SLCO5A1: variants seen among roughly 807,000 people sequenced by gnomAD.
The protein encoded by SLCO5A1 is solute carrier organic anion transporter family member 5A1, also known as organic anion transporter polypeptide-related protein 4.
A neutral mutation model predicts 65.1 loss-of-function variants in SLCO5A1; 39 were observed. The ratio of observed to expected loss-of-function variants is 0.60; its 90% CI spans 0.46 to 0.78. The LOEUF (loss-of-function observed/expected upper bound fraction) is 0.78, where lower values mean the gene tolerates loss of function less well. Among genes scored for constraint, SLCO5A1 ranks in the 30% least tolerant of loss-of-function variants. The pLI, the probability that SLCO5A1 is intolerant of heterozygous loss-of-function variation, is 0.00. For synonymous variants in SLCO5A1, 438 were observed against 415.7 expected, an observed-to-expected ratio of 1.05 and a Z score of -0.65; for missense variants, 1,029 against 1,069.4, an observed-to-expected ratio of 0.96 and a Z score of 0.53.
chr8:69,692,968 T>C (rs1814338468), intron 6 of SLCO5A1, among the ~76,000 whole-genome samples: 1 of 152,252 alleles, frequency 6.6e-6, no homozygotes, highest in Non-Finnish European at 1.5e-5. Flanking sequence ...CTATGTACTC[T>C]ACACAACTAC....
chr8:69,832,254 G>A lies in SLCO5A1; in HGVS notation c.420C>T (p.Ile140=). ...GGTACCCAGAGACCATTAACGCCTG[G>A]ATGAAGGTCAGAAAGCACATGCACA... is the stretch of plus-strand genomic sequence containing the variant. The part of the protein sequence containing the change: ...FLVCMCFLTF[I]QALMVSGYLS... Residue 140 remains isoleucine, a synonymous_variant, in exon 2 of 10, where the codon ATC becomes ATT. Coordinates refer to ENST00000260126, the MANE Select transcript of SLCO5A1 (RefSeq NM_030958.3). This position sits in a 1 kb window ranked among gnomAD's most constrained non-coding sequence, Gnocchi z 4.5. The A allele has an allele frequency of 6.2e-7, 1 of 1,614,200 alleles. No homozygotes were observed. Among genetic ancestry groups the A allele is most frequent in the Non-Finnish European group, 8.5e-7 (1 of 1,180,038 alleles).
chr8:69,818,683 C>T (rs181479418), intron 2 of SLCO5A1, among the ~76,000 whole-genome samples: 1 of 152,314 alleles, frequency 6.6e-6, no homozygotes, highest in East Asian at 1.9e-4. Context: ...CAGTTAGACC[C>T]AAAATGGGTT....
At chr8:69,728,115 G>A (rs550569045) in intron 5 of SLCO5A1, among the ~76,000 whole-genome samples, 2 of 152,204 alleles carry the variant, frequency 1.3e-5, no homozygotes, top group Admixed American at 6.5e-5. Context: ...AATGAGCAAG[G>A]TCTCTAGACT....
chr8:69,726,977 A>G (rs1816109805), intron 5 of SLCO5A1, among the ~76,000 whole-genome samples: 2 of 152,148 alleles, frequency 1.3e-5, no homozygotes, highest in South Asian at 4.1e-4. Flanking sequence ...ATTTATTACT[A>G]ATAGCTACTT....
At chr8:69,677,878 T>G (rs1185614462) in intron 8 of SLCO5A1, among the ~76,000 whole-genome samples, 4 of 152,068 alleles carry the variant, frequency 2.6e-5, no homozygotes, top group Admixed American at 1.3e-4. Flanking sequence ...CTGACTCCCT[T>G]TCTTCATTCC....
At chr8:69,732,927 G>A (rs1225602300) in intron 5 of SLCO5A1, among the ~76,000 whole-genome samples, 3 of 151,946 alleles carry the variant, frequency 2.0e-5, no homozygotes, top group Non-Finnish European at 4.4e-5. Flanking sequence ...TATACTCCAA[G>A]GAGTACAAGA....
chr8:69,770,002 A>G (rs1429405692), intron 2 of SLCO5A1, among the ~76,000 whole-genome samples: 1 of 152,224 alleles, frequency 6.6e-6, no homozygotes, highest in African/African-American at 2.4e-5. Context: ...AGTAATAAAT[A>G]TTTCATACTA....
At chr8:69,702,974 G>A (rs756630619) in intron 6 of SLCO5A1, among the ~76,000 whole-genome samples, 9 of 151,902 alleles carry the variant, frequency 5.9e-5, no homozygotes, top group Non-Finnish European at 1.2e-4. Context: ...GCCAGACATG[G>A]TGGTGCATGC....
chr8:69,807,955 A>C (rs2130908868), intron 2 of SLCO5A1, among the ~76,000 whole-genome samples: 1 of 152,230 alleles, frequency 6.6e-6, no homozygotes. Context: ...CGCCTGCCTC[A>C]GCCTCCCAAA....
In SLCO5A1 at chr8:69,673,050, T is replaced by C; in HGVS notation, c.2366A>G (p.Asn789Ser). 2 of 1,614,222 alleles carry C rather than the reference T, an allele frequency of 1.2e-6. No individual in the cohort carries two copies. The highest frequency in any genetic ancestry group is 3.3e-4 in the Middle Eastern group (2 of 6,062). The change falls in exon 10 of 10, where the codon AAT becomes AGT. Residue 789 changes from asparagine to serine, a missense_variant. Asn to Ser is a conservative substitution (Grantham distance 46). Transcript: ENST00000260126. ...AGCTGGGCAAGATCTAGTCCGGGCA[T>C]TGTCGGGGTGTCCCACTCTCTCACT... ...TVSERVGHPD[N>S]ARTRSCPAFS...
chr8:69,825,494 C>T (rs1361226800), intron 2 of SLCO5A1, among the ~76,000 whole-genome samples: 1 of 152,116 alleles, frequency 6.6e-6, no homozygotes, highest in African/African-American at 2.4e-5. Context: ...AACAGACAAA[C>T]AGAGAGCCAA....
chr8:69,799,744 T>C (rs1819656760), intron 2 of SLCO5A1, among the ~76,000 whole-genome samples: 1 of 152,126 alleles, frequency 6.6e-6, no homozygotes, highest in African/African-American at 2.4e-5. Context: ...AAAAGCCCCT[T>C]ATAAAACCAT....
At chr8:69,711,014 C>G (rs949463569) in intron 5 of SLCO5A1, among the ~76,000 whole-genome samples, 3 of 39,692 alleles carry the variant, frequency 7.6e-5, no homozygotes, top group Non-Finnish European at 1.5e-4. Flanking sequence ...TTCATACTGT[C>G]CCCCCCACTC....
At chr8:69,746,222 AAAAG>A (rs1817023063) in intron 4 of SLCO5A1, among the ~76,000 whole-genome samples, 1 of 152,056 alleles carries the variant, frequency 6.6e-6, no homozygotes, top group African/African-American at 2.4e-5. Flanking sequence ...ATATTTGTGA[AAAAG>A]AAAGAAAAAT....
At chr8:69,723,426 T>G (rs1158595221) in intron 5 of SLCO5A1, among the ~76,000 whole-genome samples, 1 of 151,622 alleles carries the variant, frequency 6.6e-6, no homozygotes, top group Non-Finnish European at 1.5e-5. Context: ...TAATTTTTTT[T>G]TTTATTTTTT....
chr8:69,815,202 T>A (rs1820354600), intron 2 of SLCO5A1, among the ~76,000 whole-genome samples: 1 of 152,190 alleles, frequency 6.6e-6, no homozygotes, highest in Admixed American at 6.5e-5. Context: ...ATATGTTCAT[T>A]AGCCTGAGTT....
chr8:69,827,462 C>T lies in SLCO5A1; in HGVS notation c.907+4305G>A, dbSNP rs535199054. 9.2e-5 allele frequency among the ~76,000 whole-genome samples: 14 copies of T among 152,256 alleles called. No individual in the cohort carries two copies. In the South Asian group the frequency reaches 2.7e-3, roughly 29 times the overall value. On this transcript the variant is annotated intron_variant, in intron 2 of 9. Transcript: ENST00000260126. ...AATGCTGCCGTATCTCATCTACGAC[C>T]ACATCTCTTCTACAGTTAAAGCTGC...
chr8:69,822,689 T>C (rs1820698883), intron 2 of SLCO5A1, among the ~76,000 whole-genome samples: 1 of 152,170 alleles, frequency 6.6e-6, no homozygotes, highest in African/African-American at 2.4e-5. Context: ...TGCAGAACAC[T>C]CGCACACATG....
At chr8:69,696,372 C>A (rs1490645372) in intron 6 of SLCO5A1, among the ~76,000 whole-genome samples, 1 of 152,240 alleles carries the variant, frequency 6.6e-6, no homozygotes, top group East Asian at 1.9e-4. Flanking sequence ...CCTGCCCGAT[C>A]GAATCTCCAT....
Sources: gnomAD v4.1 joint callset for allele counts (sites outside exome capture counted in the v4.1 genomes callset) on GRCh38, gnomAD v4.1.1 for gene constraint, Gnocchi (gnomAD v3.1) non-coding constraint, MANE v1.5 for transcripts, NCBI Gene and HGNC (gene_info 2026-07-23, HGNC 2026-07-21) for gene names.